Variants in GREB1L observed in about 807,000 individuals in gnomAD.
GREB1L encodes the protein GREB1-like protein.
Under a neutral mutation model 200.8 loss-of-function variants are expected in GREB1L, and 17 were observed. The ratio of observed to expected loss-of-function variants is 0.08; its 90% CI spans 0.06 to 0.13. GREB1L has a LOEUF of 0.13. Ranked by LOEUF, GREB1L falls within the 10% of genes least tolerant of loss-of-function variation. The probability of loss-of-function intolerance (pLI) is 1.00; values close to 1 mark genes in which losing one functional copy is unlikely to be tolerated. For synonymous variants in GREB1L, 789 were observed against 893.0 expected (o/e 0.88, Z 2.08); for missense variants, 1,657 against 2,367.7 (o/e 0.70, Z 6.23).
intron 1 of GREB1L, among the ~76,000 whole-genome samples, chr18:21,348,952 G>C (rs2039394724): frequency 6.6e-6 from 1 of 152,072 alleles, no homozygotes; most frequent in African/African-American, 2.4e-5. Flanking sequence ...CTTAAAACAA[G>C]AACAACAACA....
chr18:21,347,106 C>T (rs1482999940), intron 1 of GREB1L, among the ~76,000 whole-genome samples: 3 of 152,014 alleles, frequency 2.0e-5, no homozygotes, highest in Admixed American at 6.6e-5. Flanking sequence ...GGTGAAACCC[C>T]GTCTCTACTA....
At chr18:21,409,845 T>A (rs1442828564) in intron 7 of GREB1L, among the ~76,000 whole-genome samples, 1 of 152,160 alleles carries the variant, frequency 6.6e-6, no homozygotes. Context: ...TTGTGAGGAA[T>A]GACTTAGCCT....
chr18:21,366,569 T>C (rs577911293), intron 2 of GREB1L, among the ~76,000 whole-genome samples: 1 of 152,090 alleles, frequency 6.6e-6, no homozygotes, highest in Non-Finnish European at 1.5e-5. Context: ...AAAGTTTTTT[T>C]TTCTATTTTA....
At chr18:21,411,815 G>A (rs1419127089) in intron 7 of GREB1L, among the ~76,000 whole-genome samples, 1 of 151,688 alleles carries the variant, frequency 6.6e-6, no homozygotes, top group Admixed American at 6.6e-5. Flanking sequence ...GGAGGCCGAG[G>A]CGGGTGGATC....
intron 1 of GREB1L, among the ~76,000 whole-genome samples, chr18:21,337,996 GAAA>G (rs780548578): frequency 6.6e-6 from 1 of 151,730 alleles, no homozygotes; most frequent in Non-Finnish European, 1.5e-5. Flanking sequence ...CAAAAAAAAA[GAAA>G]AAAAATTCTT....
At chr18:21,522,530 A>G (rs1349852468) in intron 32 of GREB1L, 128 bp from the exon 33 acceptor site, 3 of 708,200 alleles carry the variant, frequency 4.2e-6, no homozygotes, top group Admixed American at 3.5e-5. Context: ...AAATAAAACA[A>G]TTCTGATAGA....
chr18:21,418,175 G>A (rs1020305884), intron 7 of GREB1L, among the ~76,000 whole-genome samples: 3 of 151,326 alleles, frequency 2.0e-5, no homozygotes, highest in African/African-American at 7.3e-5. Flanking sequence ...AAATATGGAA[G>A]TTCATTATTG....
chr18:21,458,946 C>T (rs1467744308), intron 15 of GREB1L, among the ~76,000 whole-genome samples: 1 of 152,010 alleles, frequency 6.6e-6, no homozygotes, highest in East Asian at 1.9e-4. Flanking sequence ...AAGCCCATTT[C>T]AGTTCAAGGT....
At chr18:21,409,107 AAGCT>A (rs1361890345) in intron 7 of GREB1L, among the ~76,000 whole-genome samples, 2 of 152,236 alleles carry the variant, frequency 1.3e-5, no homozygotes, top group African/African-American at 2.4e-5. Flanking sequence ...TTATAACAAA[AAGCT>A]AGCAACAACC....
chr18:21,450,951 T>A (rs1217604461), intron 12 of GREB1L, 72 bp from the exon 13 acceptor site: 5 of 1,444,406 alleles, frequency 3.5e-6, no homozygotes, highest in Non-Finnish European at 4.7e-6. Context: ...TTCCAATTGT[T>A]GCCATTATAA....
chr18:21,254,436 C>G (rs748405006), intron 1 of GREB1L, among the ~76,000 whole-genome samples: 1 of 151,916 alleles, frequency 6.6e-6, no homozygotes, highest in Non-Finnish European at 1.5e-5. Flanking sequence ...CATTTTTAAT[C>G]CTTGAACATT....
intron 2 of GREB1L, among the ~76,000 whole-genome samples, chr18:21,373,332 T>G (rs1183842631): frequency 6.6e-6 from 1 of 152,212 alleles, no homozygotes; most frequent in East Asian, 1.9e-4. Context: ...TGTCATTCTT[T>G]GCCCCCTGCC....
chr18:21,323,774 G>A (rs1379892908), intron 1 of GREB1L, among the ~76,000 whole-genome samples: 2 of 152,080 alleles, frequency 1.3e-5, no homozygotes, highest in African/African-American at 4.8e-5. Flanking sequence ...TCAAAGTTCT[G>A]AAAGTTAGGA....
intron 7 of GREB1L, among the ~76,000 whole-genome samples, chr18:21,409,272 T>C (rs568645707): frequency 1.3e-5 from 2 of 152,242 alleles, no homozygotes; most frequent in African/African-American, 4.8e-5. Context: ...ATAAACCAGA[T>C]GAAAGAGACC....
chr18:21,268,552 CACACACACATATATAT>C (rs1199974455), intron 1 of GREB1L, among the ~76,000 whole-genome samples: 23 of 98,942 alleles, frequency 2.3e-4, no homozygotes, highest in African/African-American at 1.1e-3. Flanking sequence ...CACACACACA[CACACACACATATATAT>C]ATATATATAT....
chr18:21,412,549 G>A (rs781585368), intron 7 of GREB1L, among the ~76,000 whole-genome samples: 12 of 152,124 alleles, frequency 7.9e-5, no homozygotes, highest in Non-Finnish European at 1.3e-4. Context: ...AAAAGACTCC[G>A]TCCAATATTA....
intron 7 of GREB1L, among the ~76,000 whole-genome samples, chr18:21,412,253 A>G (rs1382895561): frequency 6.6e-6 from 1 of 151,374 alleles, no homozygotes; most frequent in East Asian, 1.9e-4. Context: ...ATACAAAAAA[A>G]AAATTAAAAA....
chr18:21,267,748 C>T (rs966406898), intron 1 of GREB1L, among the ~76,000 whole-genome samples: 1 of 151,692 alleles, frequency 6.6e-6, no homozygotes, highest in African/African-American at 2.4e-5. Context: ...TTGCTTTCTG[C>T]CCTTAAGAAA....
In GREB1L at chr18:21,469,198, A is replaced by AT. The variant is rs1437682468; in HGVS notation, c.2183-3827dup. Among the ~76,000 whole-genome samples the AT allele has an allele frequency of 5.3e-5, 8 of 152,186 alleles. 1 individual carries two copies. In the East Asian group the frequency reaches 1.5e-3, roughly 29 times the overall value. On this transcript the variant is annotated intron_variant, in intron 15 of 32. Coordinates refer to ENST00000424526, the MANE Select transcript of GREB1L (RefSeq NM_001142966.3). The stretch of plus-strand genomic sequence containing the variant: ...ATTTCCAAGTTGATGATTTTCTGTC[A>AT]TTTTTTCCCTACATTTACTAGTAGG...
Sources: gnomAD v4.1 joint callset for allele counts (sites outside exome capture counted in the v4.1 genomes callset) on GRCh38, gnomAD v4.1.1 for gene constraint, MANE v1.5 for transcripts, NCBI Gene and HGNC (gene_info 2026-07-23, HGNC 2026-07-21) for gene names.